MAP4K4: variants seen among roughly 807,000 people sequenced by gnomAD.
MAP4K4 encodes the protein mitogen-activated protein kinase kinase kinase kinase 4, also known as HPK/GCK-like kinase HGK.
A neutral mutation model predicts 189.6 loss-of-function variants in MAP4K4; 38 were observed. The observed-to-expected ratio is 0.20, with a 90% confidence interval of 0.15 to 0.26. The LOEUF (loss-of-function observed/expected upper bound fraction) is 0.26. Among genes scored for constraint, MAP4K4 ranks in the 10% least tolerant of loss-of-function variants. The pLI, the probability that MAP4K4 is intolerant of heterozygous loss-of-function variation, is 1.00. For synonymous variants in MAP4K4, 610 were observed against 624.3 expected, an observed-to-expected ratio of 0.98 and a Z score of 0.34; for missense variants, 1,054 against 1,726.9, an observed-to-expected ratio of 0.61 and a Z score of 6.91.
chr2:101,825,260 C>T, intron 4 of MAP4K4, 59 bp from the exon 5 acceptor site: 1 of 1,045,994 alleles, frequency 9.6e-7, no homozygotes, highest in Non-Finnish European at 1.4e-6. Context: ...GGCGGTTAAA[C>T]TGGTTTTCCC....
exon 33 of MAP4K4, chr2:101,891,948 T>A (rs1311677019): frequency 6.8e-6 from 1 of 147,258 alleles, no homozygotes; most frequent in African/African-American, 2.5e-5. Context: ...CAGTCATTTT[T>A]CTGTGTACCA....
At chr2:101,791,268 T>C in intron 3 of MAP4K4, among the ~76,000 whole-genome samples, 1 of 152,094 alleles carries the variant, frequency 6.6e-6, no homozygotes, top group East Asian at 1.9e-4. Flanking sequence ...GCTGAGCAGA[T>C]TGTTGGCAAA....
At chr2:101,829,624 T>A (rs369077208) in intron 6 of MAP4K4, 30 bp downstream of exon 6, 64 of 1,505,322 alleles carry the variant, frequency 4.3e-5, no homozygotes, top group Non-Finnish European at 5.3e-5. Context: ...CGTGATCTCA[T>A]AATTGCACCT....
At chr2:101,729,195 T>C (rs1000261778) in intron 2 of MAP4K4, among the ~76,000 whole-genome samples, 1 of 151,654 alleles carries the variant, frequency 6.6e-6, no homozygotes, top group African/African-American at 2.4e-5. Context: ...ATCTGCTCGA[T>C]GTTGTAGAAG....
chr2:101,821,047 C>G (rs144757094), intron 3 of MAP4K4, among the ~76,000 whole-genome samples: 5 of 151,858 alleles, frequency 3.3e-5, no homozygotes, highest in Admixed American at 2.0e-4. Flanking sequence ...ACTGGCTAGT[C>G]TAAACACTGG....
At chr2:101,837,590 T>C (rs1185623980) in intron 9 of MAP4K4, among the ~76,000 whole-genome samples, 1 of 152,164 alleles carries the variant, frequency 6.6e-6, no homozygotes, top group African/African-American at 2.4e-5. Flanking sequence ...TGGCCACGCC[T>C]AGGGAAACCA....
chr2:101,891,431 T>TC, exon 33 of MAP4K4: 1 of 558,604 alleles, frequency 1.8e-6, no homozygotes, highest in Non-Finnish European at 3.2e-6. Context: ...TTATCCCCAT[T>TC]CTTTTTTTTT....
At chr2:101,790,604 T>C (rs1039280750) in intron 2 of MAP4K4, 116 bp from the exon 3 acceptor site, 1 of 723,944 alleles carries the variant, frequency 1.4e-6, no homozygotes. Context: ...TCACTTTTGG[T>C]TAGTCAGAGA....
intron 12 of MAP4K4, among the ~76,000 whole-genome samples, chr2:101,852,549 C>A (rs1157482716): frequency 6.6e-6 from 1 of 152,108 alleles, no homozygotes; most frequent in Non-Finnish European, 1.5e-5. Flanking sequence ...AAAACCCTCT[C>A]AGAAGGTTTC....
chr2:101,738,785 C>G (rs1386661525), intron 2 of MAP4K4, among the ~76,000 whole-genome samples: 1 of 151,872 alleles, frequency 6.6e-6, no homozygotes, highest in Non-Finnish European at 1.5e-5. Flanking sequence ...AAGGGAAGTA[C>G]AGTGGTGGAA....
chr2:101,844,615 G>A (rs2097031939), intron 12 of MAP4K4, among the ~76,000 whole-genome samples: 1 of 152,208 alleles, frequency 6.6e-6, no homozygotes, highest in Admixed American at 6.5e-5. Context: ...GACCAGTTTT[G>A]TGAAGTCTTT....
rs1468688972 is a variant in MAP4K4 at position 101,724,310 on chromosome 2, C to T, written c.123+25772C>T. On this transcript the variant is annotated intron_variant, in intron 2 of 32. Transcript: ENST00000324219. ...AGTGAGTGGCAGTTTCTCAAGGGGC[C>T]AGGAGGAATTTCCCTCAGTAGTAGT... Among the ~76,000 whole-genome samples, 17 of 152,222 alleles carry T rather than the reference C, an allele frequency of 1.1e-4. No homozygotes were observed. The East Asian group carries it at 1.9e-3, about 17-fold the overall frequency.
chr2:101,866,512 C>T, exon 19 of MAP4K4: 3 of 1,613,680 alleles, frequency 1.9e-6, no homozygotes, highest in Non-Finnish European at 2.5e-6. Context: ...GGTCCAGCAA[C>T]TCAGGATCCC....
rs149283961 is a variant in MAP4K4 at position 101,729,101 on chromosome 2, A to AGAGAGTGTGT, written c.123+30564_123+30565insAGAGTGTGTG. 2.2e-3 allele frequency among the ~76,000 whole-genome samples: 289 copies of AGAGAGTGTGT among 130,578 alleles called. 1 individual carries two copies. The highest frequency in any genetic ancestry group is 7.6e-3 in the Middle Eastern group (2 of 262). The allele number at this position is 130,578 out of a possible 152,430, so 85.7% of individuals were successfully genotyped here. ...AGGAGAGAGAGAGAGAGAGAGAGAG[A>AGAGAGTGTGT]GTGTGTGTGTGTGTGTGTGTGTGTG... On this transcript the variant is annotated intron_variant, in intron 2 of 32. Coordinates refer to ENST00000324219, the Ensembl canonical transcript of MAP4K4.
chr2:101,720,773 G>A (rs1204183867), intron 2 of MAP4K4, among the ~76,000 whole-genome samples: 1 of 152,092 alleles, frequency 6.6e-6, no homozygotes, highest in Non-Finnish European at 1.5e-5. Flanking sequence ...TTTTGTTACT[G>A]TTTTCTTGAT....
At chr2:101,787,501 G>C (rs1021033924) in intron 2 of MAP4K4, among the ~76,000 whole-genome samples, 2 of 152,188 alleles carry the variant, frequency 1.3e-5, no homozygotes, top group African/African-American at 4.8e-5. Flanking sequence ...GGTCTCCCTT[G>C]TGAGTTGGGC....
chr2:101,836,130 AT>A (rs1181895520), intron 9 of MAP4K4, among the ~76,000 whole-genome samples, 152 bp downstream of exon 9: 1 of 152,018 alleles, frequency 6.6e-6, no homozygotes, highest in African/African-American at 2.4e-5. Flanking sequence ...AGATGCGTTG[AT>A]TTTTTTTAAA....
chr2:101,787,799 G>GT (rs1308636715), intron 2 of MAP4K4, among the ~76,000 whole-genome samples: 1 of 133,080 alleles, frequency 7.5e-6, no homozygotes, highest in Non-Finnish European at 1.6e-5. Flanking sequence ...AAATTTAGAA[G>GT]TTTGCTTTTT....
chr2:101,735,545 C>CT (rs768255621), intron 2 of MAP4K4, among the ~76,000 whole-genome samples: 12 of 152,140 alleles, frequency 7.9e-5, no homozygotes, highest in East Asian at 3.9e-4. Flanking sequence ...CCAGAATACT[C>CT]TAAGTCACTC....
Sources: gnomAD v4.1 joint callset for allele counts (sites outside exome capture counted in the v4.1 genomes callset) on GRCh38, gnomAD v4.1.1 for gene constraint, MANE v1.5 for transcripts, NCBI Gene and HGNC (gene_info 2026-07-23, HGNC 2026-07-21) for gene names.